Variants in SERPINA10 observed in about 807,000 individuals in gnomAD.
SERPINA10 encodes the protein protein Z-dependent protease inhibitor.
SERPINA10 carries 24 observed loss-of-function variants against 28.0 expected under a neutral mutation model. The ratio of observed to expected loss-of-function variants is 0.86; its 90% CI spans 0.62 to 1.20. The LOEUF (loss-of-function observed/expected upper bound fraction) is 1.20. Ranked by LOEUF, SERPINA10 falls within the 50% of genes most tolerant of loss-of-function variation. The pLI is 0.00. For missense variants in SERPINA10, 521 were observed against 537.7 expected (o/e 0.97, Z 0.31); for synonymous variants, 207 against 203.9 (o/e 1.02, Z -0.13).
rs1470275077 is a variant in SERPINA10 at position 94,293,056 on chromosome 14, T to G, written c.-51+133A>C. The G allele has an allele frequency of 1.3e-5, 3 of 224,516 alleles. No homozygotes were observed. The East Asian group carries it at 2.5e-4, about 19-fold the overall frequency. 13.9% of individuals were successfully genotyped at this position (224,516 alleles called of 1,614,324 possible). A position where few individuals can be genotyped will look rare whatever the true frequency, so the allele number is the denominator to read the frequency against. On this transcript the variant is annotated intron_variant, in intron 1 of 4. Coordinates refer to ENST00000261994, the MANE Select transcript of SERPINA10 (RefSeq NM_001100607.3). The stretch of plus-strand genomic sequence containing the variant: ...ATCTGTATGTACAGTCCCTGTGGAG[T>G]GTAGGATGGAGGTCTTTGCACTGCT...
chr14:94,292,502 C>T (rs1368720262), intron 1 of SERPINA10: 8 of 677,450 alleles, frequency 1.2e-5, no homozygotes, highest in African/African-American at 1.1e-4. Context: ...TACATTAAGA[C>T]CACACAGAAT....
At chr14:94,292,103 T>C (rs1017656245) in intron 1 of SERPINA10, among the ~76,000 whole-genome samples, 1 of 152,182 alleles carries the variant, frequency 6.6e-6, no homozygotes, top group African/African-American at 2.4e-5. Context: ...ACGCTTTTAT[T>C]GTTATGGACT....
At chr14:94,289,247 G>T (rs1895100994) in intron 2 of SERPINA10, among the ~76,000 whole-genome samples, 1 of 152,200 alleles carries the variant, frequency 6.6e-6, no homozygotes, top group Non-Finnish European at 1.5e-5. Context: ...CAGAACCTAG[G>T]ATCAGGGGGT....
At chr14:94,292,259 G>C (rs1895196777) in intron 1 of SERPINA10, among the ~76,000 whole-genome samples, 3 of 152,210 alleles carry the variant, frequency 2.0e-5, no homozygotes, top group Middle Eastern at 3.4e-3. Flanking sequence ...CATAAGAAGA[G>C]AGCAGAGTCC....
At chr14:94,289,741 A>G (rs1210607681) in intron 2 of SERPINA10, 135 bp downstream of exon 2, 5 of 970,340 alleles carry the variant, frequency 5.2e-6, no homozygotes, top group Middle Eastern at 2.1e-4. Context: ...TATGTGTATC[A>G]ATCTGTTTTT....
At chr14:94,289,746 G>T in intron 2 of SERPINA10, 130 bp downstream of exon 2, 1 of 1,055,204 alleles carries the variant, frequency 9.5e-7, no homozygotes, top group Non-Finnish European at 1.5e-6. Context: ...GTATCAATCT[G>T]TTTTTGAAAC....
rs574057616 is a variant in SERPINA10 at position 94,286,392 on chromosome 14, T to G, written c.993-134A>C. 29 of 970,570 alleles carry G rather than the reference T, an allele frequency of 3.0e-5. No homozygotes were observed. The East Asian group carries it at 7.0e-4, about 23-fold the overall frequency. 60.1% of individuals were successfully genotyped at this position (970,570 alleles called of 1,614,324 possible). ...TCAGTTGACTATGTAGTTCATGCCA[T>G]TCTTTTACAGTGGTCTACTCAGGGA... On this transcript the variant is annotated intron_variant, in intron 3 of 4. Coordinates refer to ENST00000261994, the MANE Select transcript of SERPINA10 (RefSeq NM_001100607.3).
chr14:94,290,040 T>C lies in SERPINA10; in HGVS notation c.554A>G (p.Tyr185Cys), dbSNP rs766727953. 6.2e-7 allele frequency: 1 copy of C among 1,614,230 alleles called. No individual in the cohort carries two copies. The highest frequency in any genetic ancestry group is 8.5e-7 in the Non-Finnish European group (1 of 1,180,036). The change falls in exon 2 of 5, where the codon TAT (tyrosine) becomes TGT (cysteine). Residue 185 changes from tyrosine to cysteine, a missense_variant. Coordinates refer to ENST00000261994, the MANE Select transcript of SERPINA10 (RefSeq NM_001100607.3). ...CATAGGCACGCACTCTGTATCAAAA[T>C]ACCTCTTGGATAAATTGAAGAAAGT... ...KETFFNLSKR[Y>C]FDTECVPMNF... is the part of the protein sequence containing the mutation.
intron 4 of SERPINA10, among the ~76,000 whole-genome samples, chr14:94,284,586 G>A (rs1262648589): frequency 3.3e-5 from 5 of 152,188 alleles, no homozygotes; most frequent in East Asian, 1.9e-4. Flanking sequence ...GGCAGGGAAT[G>A]GCTAGTCTTC....
chr14:94,291,405 C>G (rs1415092174), intron 1 of SERPINA10, among the ~76,000 whole-genome samples: 1 of 152,230 alleles, frequency 6.6e-6, no homozygotes, highest in Non-Finnish European at 1.5e-5. Flanking sequence ...CGTTAGCTGT[C>G]CCCTTCTCTG....
intron 1 of SERPINA10, among the ~76,000 whole-genome samples, chr14:94,291,067 G>A (rs895905128): frequency 5.3e-5 from 8 of 152,204 alleles, no homozygotes; most frequent in African/African-American, 1.9e-4. Flanking sequence ...CCATCCAGAT[G>A]GGTGGCCGGC....
chr14:94,289,782 C>T (rs2232704), intron 2 of SERPINA10, 94 bp downstream of exon 2: 379,793 of 1,293,862 alleles, frequency 0.29, 65,680 homozygotes, highest in African/African-American at 0.65. Flanking sequence ...TAGAAAATCA[C>T]GTAGCGTTAA....
rs375941816 is a variant in SERPINA10 at position 94,287,281 on chromosome 14, ACTT to A, written c.992+1002_992+1004del. Reference sequence around the variant, plus strand: ...TTCTGATCCAAGTGTTTAAGACTGAACTTCTGCACTTACCCCAGACCTGTTCCT... The same window carrying A: ...TTCTGATCCAAGTGTTTAAGACTGAACTGCACTTACCCCAGACCTGTTCCT... On this transcript the variant is annotated intron_variant, in intron 3 of 4. Coordinates refer to ENST00000261994, the MANE Select transcript of SERPINA10 (RefSeq NM_001100607.3). Among the ~76,000 whole-genome samples the A allele has an allele frequency of 5.9e-5, 9 of 152,302 alleles. No homozygotes were observed. The East Asian group carries it at 1.4e-3, about 23-fold the overall frequency.
rs897241162 is a variant in SERPINA10 at position 94,283,666 on chromosome 14, A to G, written c.*299T>C. 9 of 423,950 alleles carry G rather than the reference A, an allele frequency of 2.1e-5. No homozygotes were observed. Among genetic ancestry groups the G allele is most frequent in the Non-Finnish European group, 3.8e-5 (9 of 235,058 alleles). 26.3% of individuals were successfully genotyped at this position (423,950 alleles called of 1,614,324 possible). On this transcript the variant is annotated 3_prime_UTR_variant, in exon 5 of 5. Coordinates refer to ENST00000261994, the MANE Select transcript of SERPINA10 (RefSeq NM_001100607.3). Reference sequence around the variant, plus strand: ...GTAACTCATTTTACTTAATGTTGTTATTATTGTTAATCTCTTACTGTGCCT... The same window carrying G: ...GTAACTCATTTTACTTAATGTTGTTGTTATTGTTAATCTCTTACTGTGCCT...
intron 1 of SERPINA10, among the ~76,000 whole-genome samples, chr14:94,292,276 G>T (rs187781691): frequency 1.3e-5 from 2 of 152,128 alleles, no homozygotes; most frequent in Non-Finnish European, 2.9e-5. Flanking sequence ...GTCCCCCTCC[G>T]CACCTCCTCT....
At chr14:94,285,736 G>A (rs1319968488) in intron 4 of SERPINA10, among the ~76,000 whole-genome samples, 2 of 151,990 alleles carry the variant, frequency 1.3e-5, no homozygotes, top group African/African-American at 2.4e-5. Flanking sequence ...GGAGGGAGAA[G>A]TTGGGCTAGA....
intron 3 of SERPINA10, among the ~76,000 whole-genome samples, chr14:94,288,058 A>G (rs964301242): frequency 1.3e-5 from 2 of 152,160 alleles, no homozygotes; most frequent in Non-Finnish European, 2.9e-5. Context: ...TATATTTATC[A>G]CAGTCGCAGA....
Position 94,288,417 on chromosome 14 carries a change from G to A in SERPINA10, c.861C>T (p.Val287=). The A allele has an allele frequency of 6.2e-7, 1 of 1,614,112 alleles. No individual in the cohort carries two copies. Among genetic ancestry groups the A allele is most frequent in the Non-Finnish European group, 8.5e-7 (1 of 1,180,028 alleles). ...STFDKNFRCH[V]LKLPYQGNAT... ...CATTTCCTTGGTAGGGCAGTTTGAG[G>A]ACATGACAACGAAAATTCTTGTCAA... The change falls in exon 3 of 5, where the codon GTC becomes GTT. Residue 287 remains valine (V), a synonymous_variant. Transcript: ENST00000261994.
intron 3 of SERPINA10, among the ~76,000 whole-genome samples, chr14:94,287,669 G>C (rs376748054): frequency 6.6e-6 from 1 of 152,302 alleles, no homozygotes; most frequent in South Asian, 2.1e-4. Flanking sequence ...GAAAGCCCAA[G>C]TCTTTTCTGG....
Sources: allele counts gnomAD v4.1 joint callset (sites outside exome capture counted in the v4.1 genomes callset), GRCh38; gene constraint gnomAD v4.1.1; transcripts MANE v1.5; gene names NCBI Gene and HGNC (gene_info 2026-07-23, HGNC 2026-07-21).